The following CNTNAP2 variants were observed in gnomAD, a reference collection of about 807,000 sequenced individuals.
CNTNAP2 encodes contactin associated protein 2.
Under a neutral mutation model 155.2 loss-of-function variants are expected in CNTNAP2, and 98 were observed. The ratio of observed to expected loss-of-function variants is 0.63; its 90% CI spans 0.54 to 0.75. The LOEUF is 0.75. Ranked by LOEUF, CNTNAP2 falls within the 30% of genes least tolerant of loss-of-function variation. The pLI, the probability that CNTNAP2 is intolerant of heterozygous loss-of-function variation, is 0.00. For missense variants in CNTNAP2, 1,727 were observed against 1,688.1 expected, an observed-to-expected ratio of 1.02 and a Z score of -0.40; for synonymous variants, 651 against 631.2, an observed-to-expected ratio of 1.03 and a Z score of -0.47.
chr7:146,362,474 G>A (rs1795095970), intron 1 of CNTNAP2, among the ~76,000 whole-genome samples: 1 of 152,146 alleles, frequency 6.6e-6, no homozygotes, highest in African/African-American at 2.4e-5. Flanking sequence ...GTGTGAAGGA[G>A]CAGCCTGTGA....
At chr7:148,372,371 T>A (rs1241853679) in intron 21 of CNTNAP2, among the ~76,000 whole-genome samples, 1 of 152,136 alleles carries the variant, frequency 6.6e-6, no homozygotes, top group Admixed American at 6.5e-5. Context: ...ACTGGACACT[T>A]TGGCCACATT....
At chr7:146,539,055 C>A (rs1018707001) in intron 1 of CNTNAP2, among the ~76,000 whole-genome samples, 1 of 152,082 alleles carries the variant, frequency 6.6e-6, no homozygotes, top group Non-Finnish European at 1.5e-5. Context: ...AGATCATCAG[C>A]TACATTTAAG....
At chr7:147,159,937 G>GTT (rs150340227) in intron 8 of CNTNAP2, among the ~76,000 whole-genome samples, 3 of 151,226 alleles carry the variant, frequency 2.0e-5, no homozygotes, top group African/African-American at 7.3e-5. Context: ...ATGAATCAAA[G>GTT]TTTTTTTTTG....
intron 4 of CNTNAP2, among the ~76,000 whole-genome samples, chr7:147,089,351 G>A (rs1800349405): frequency 2.0e-5 from 3 of 152,074 alleles, no homozygotes; most frequent in Non-Finnish European, 4.4e-5. Context: ...CTCTTTGCAA[G>A]GCTTCTCATG....
At chr7:147,355,260 T>C (rs1211168506) in intron 9 of CNTNAP2, among the ~76,000 whole-genome samples, 1 of 151,964 alleles carries the variant, frequency 6.6e-6, no homozygotes, top group Non-Finnish European at 1.5e-5. Flanking sequence ...AAAAACACAA[T>C]GTACCAGAAT....
chr7:147,978,088 G>A, intron 15 of CNTNAP2, 99 bp downstream of exon 15: 2 of 1,484,264 alleles, frequency 1.3e-6, no homozygotes, highest in Non-Finnish European at 1.8e-6. Flanking sequence ...TTGCTCTCCT[G>A]TAGCTCCTAC....
chr7:146,493,794 C>T (rs1584950275), intron 1 of CNTNAP2, among the ~76,000 whole-genome samples: 2 of 151,870 alleles, frequency 1.3e-5, no homozygotes, highest in Admixed American at 6.6e-5. Flanking sequence ...AAAAAATCTG[C>T]CCAATTTTAT....
intron 23 of CNTNAP2, among the ~76,000 whole-genome samples, chr7:148,411,000 T>TAATAAAA (rs1799821924): frequency 6.6e-6 from 1 of 152,164 alleles, no homozygotes. Flanking sequence ...CCCCGTAAAT[T>TAATAAAA]TGCACAATGA....
At chr7:146,885,541 TA>T (rs1795638109) in intron 3 of CNTNAP2, among the ~76,000 whole-genome samples, 1 of 152,120 alleles carries the variant, frequency 6.6e-6, no homozygotes, top group East Asian at 1.9e-4. Flanking sequence ...AGTTTGTCCT[TA>T]AAAAAGCAAG....
At chr7:148,118,339 G>A in intron 16 of CNTNAP2, 51 bp downstream of exon 16, 3 of 1,594,598 alleles carry the variant, frequency 1.9e-6, no homozygotes, top group Non-Finnish European at 2.6e-6. Flanking sequence ...CGTCACCTCA[G>A]GGTGGTCCGG....
intron 13 of CNTNAP2, among the ~76,000 whole-genome samples, chr7:147,730,997 G>T (rs1007121257): frequency 6.6e-6 from 1 of 152,228 alleles, no homozygotes; most frequent in East Asian, 1.9e-4. Context: ...CTTCAACTCT[G>T]TGAAGGCTCA....
intron 14 of CNTNAP2, among the ~76,000 whole-genome samples, chr7:147,953,971 A>AAAAT (rs1800979437): frequency 6.6e-6 from 1 of 152,192 alleles, no homozygotes; most frequent in Admixed American, 6.5e-5. Context: ...TTAGAACTTG[A>AAAAT]AAATATCTTT....
intron 16 of CNTNAP2, among the ~76,000 whole-genome samples, chr7:148,141,821 G>A (rs926347305): frequency 6.6e-6 from 1 of 152,124 alleles, no homozygotes; most frequent in Non-Finnish European, 1.5e-5. Flanking sequence ...AGAAGTAAAC[G>A]CTCAGCCACA....
chr7:146,171,896 G>A (rs1798396859), intron 1 of CNTNAP2, among the ~76,000 whole-genome samples: 1 of 152,018 alleles, frequency 6.6e-6, no homozygotes, highest in South Asian at 2.1e-4. Flanking sequence ...TCTATTTCAT[G>A]TCATTAATTC....
At chr7:147,518,859 C>T (rs939206588) in intron 11 of CNTNAP2, among the ~76,000 whole-genome samples, 4 of 151,828 alleles carry the variant, frequency 2.6e-5, no homozygotes, top group East Asian at 1.9e-4. Flanking sequence ...AGTGAAACCC[C>T]GTCTCTACTA....
chr7:146,301,102 A>C (rs1219522875), intron 1 of CNTNAP2, among the ~76,000 whole-genome samples: 2 of 152,130 alleles, frequency 1.3e-5, no homozygotes, highest in African/African-American at 4.8e-5. Context: ...AGAGACCAGC[A>C]GACCCAACAT....
At chr7:148,305,178 G>A (rs1349033775) in intron 21 of CNTNAP2, among the ~76,000 whole-genome samples, 3 of 126,752 alleles carry the variant, frequency 2.4e-5, no homozygotes, top group Non-Finnish European at 3.1e-5. Flanking sequence ...AGCTATGATA[G>A]CAACACTGCA....
intron 4 of CNTNAP2, among the ~76,000 whole-genome samples, chr7:147,084,312 C>A (rs9690583): frequency 0.023 from 367 of 15,886 alleles, 93 homozygotes; most frequent in African/African-American, 0.067. Flanking sequence ...TATATATAAT[C>A]CATATATGCA....
intron 9 of CNTNAP2, among the ~76,000 whole-genome samples, chr7:147,346,501 A>G (rs2116869514): frequency 6.6e-6 from 1 of 152,292 alleles, no homozygotes; most frequent in East Asian, 1.9e-4. Context: ...CCCTATTGTC[A>G]ATCCTATTCT....
Sources: allele counts gnomAD v4.1 joint callset (sites outside exome capture counted in the v4.1 genomes callset), GRCh38; gene constraint gnomAD v4.1.1; transcripts MANE v1.5; gene names NCBI Gene and HGNC (gene_info 2026-07-23, HGNC 2026-07-21).